EYS: variants seen among roughly 807,000 people sequenced by gnomAD.
The protein encoded by EYS is EGF-like photoreceptor maintenance factor.
EYS carries 250 observed loss-of-function variants against 282.1 expected under a neutral mutation model. The ratio of observed to expected loss-of-function variants is 0.89; its 90% confidence interval spans 0.80 to 0.98. EYS has a LOEUF of 0.98. Among genes scored for constraint, EYS ranks in the 50% least tolerant of loss-of-function variants. The probability of loss-of-function intolerance (pLI) is 0.00; values close to 1 mark genes in which losing one functional copy is unlikely to be tolerated. For synonymous variants in EYS, 1,355 were observed against 1,282.9 expected (o/e 1.06, Z -1.20); for missense variants, 4,016 against 3,709.0 (o/e 1.08, Z -2.15).
At chr6:63,998,052 A>C (rs1348773084) in intron 34 of EYS, among the ~76,000 whole-genome samples, 1 of 152,150 alleles carries the variant, frequency 6.6e-6, no homozygotes, top group East Asian at 1.9e-4. Context: ...CTACCCTAAC[A>C]ACCCACTTGA....
intron 22 of EYS, among the ~76,000 whole-genome samples, chr6:64,786,786 A>G (rs1249579889): frequency 6.6e-6 from 1 of 152,152 alleles, no homozygotes; most frequent in Non-Finnish European, 1.5e-5. Flanking sequence ...AGGGGACCTG[A>G]CCTTGGCATA....
intron 33 of EYS, among the ~76,000 whole-genome samples, chr6:64,062,142 T>G (rs1771198388): frequency 6.6e-6 from 1 of 152,090 alleles, no homozygotes; most frequent in African/African-American, 2.4e-5. Context: ...GAGAATTAAG[T>G]TGGAAAAAGC....
chr6:64,603,861 CTGTGTGTGTGTGTGTGTGTGTGTGTGTG>C (rs34430318), intron 24 of EYS, among the ~76,000 whole-genome samples: 4 of 148,184 alleles, frequency 2.7e-5, no homozygotes, highest in African/African-American at 9.9e-5. Context: ...AAATGAATAC[CTGTGTGTGTGTGTGTGTGTGTGTGTGTG>C]TGTGTGTGTG....
chr6:65,089,895 G>T (rs1304378220), intron 12 of EYS, among the ~76,000 whole-genome samples: 1 of 148,864 alleles, frequency 6.7e-6, no homozygotes, highest in Non-Finnish European at 1.5e-5. Context: ...TGCAGAGGTT[G>T]CAGTAAAGCT....
chr6:64,087,109 C>A (rs551526457), intron 31 of EYS, among the ~76,000 whole-genome samples: 1 of 152,160 alleles, frequency 6.6e-6, no homozygotes, highest in East Asian at 1.9e-4. Context: ...TAAATAGGAT[C>A]CTTAGCATAT....
At chr6:65,580,381 A>C (rs560910721) in intron 2 of EYS, among the ~76,000 whole-genome samples, 1 of 152,284 alleles carries the variant, frequency 6.6e-6, no homozygotes, top group South Asian at 2.1e-4. Context: ...TTAGAATCCA[A>C]ACAGAACTCA....
At chr6:64,691,799 G>A (rs1009851238) in intron 22 of EYS, among the ~76,000 whole-genome samples, 5 of 152,162 alleles carry the variant, frequency 3.3e-5, no homozygotes, top group African/African-American at 1.2e-4. Context: ...ATAGCCTCCA[G>A]CTCCATCCAT....
At chr6:64,081,065 T>G (rs1771948625) in intron 32 of EYS, among the ~76,000 whole-genome samples, 1 of 152,146 alleles carries the variant, frequency 6.6e-6, no homozygotes, top group Admixed American at 6.6e-5. Context: ...CATATGAACT[T>G]TAAAGTAGTT....
intron 5 of EYS, among the ~76,000 whole-genome samples, chr6:65,485,048 T>C (rs769993775): frequency 2.0e-5 from 3 of 152,190 alleles, no homozygotes; most frequent in Non-Finnish European, 4.4e-5. Flanking sequence ...TCTACAACTA[T>C]TTACATATTT....
At chr6:64,669,373 G>T (rs138162763) in intron 22 of EYS, among the ~76,000 whole-genome samples, 1 of 152,148 alleles carries the variant, frequency 6.6e-6, no homozygotes, top group East Asian at 1.9e-4. Context: ...AAGAGAGAGA[G>T]AGATAGGTTT....
At chr6:64,462,236 T>C (rs1239892216) in intron 26 of EYS, among the ~76,000 whole-genome samples, 2 of 152,176 alleles carry the variant, frequency 1.3e-5, no homozygotes, top group Admixed American at 1.3e-4. Flanking sequence ...TACAGATGTA[T>C]TGACTAAATT....
At chr6:65,127,708 T>C (rs1217392341) in intron 12 of EYS, among the ~76,000 whole-genome samples, 5 of 152,124 alleles carry the variant, frequency 3.3e-5, no homozygotes, top group Non-Finnish European at 7.4e-5. Flanking sequence ...AGACTTTTAA[T>C]GAGGTGTCTG....
chr6:64,663,245 C>T (rs565302614), intron 22 of EYS, among the ~76,000 whole-genome samples: 12 of 152,176 alleles, frequency 7.9e-5, no homozygotes, highest in Admixed American at 2.0e-4. Flanking sequence ...CATATTCTGA[C>T]GAAATATACC....
chr6:64,871,922 C>T (rs1178334709), intron 19 of EYS, among the ~76,000 whole-genome samples: 1 of 151,970 alleles, frequency 6.6e-6, no homozygotes, highest in Non-Finnish European at 1.5e-5. Context: ...AGAAGGCAAC[C>T]ATTCATTTGC....
At chr6:65,222,812 A>G (rs1054461954) in intron 12 of EYS, among the ~76,000 whole-genome samples, 9 of 152,184 alleles carry the variant, frequency 5.9e-5, no homozygotes, top group Admixed American at 5.9e-4. Context: ...TGGATTTGTC[A>G]GGAACGAGAA....
intron 13 of EYS, among the ~76,000 whole-genome samples, chr6:65,001,554 C>G (rs886610073): frequency 2.7e-5 from 4 of 147,894 alleles, no homozygotes; most frequent in African/African-American, 4.9e-5. Context: ...CATGGCAAGC[C>G]AAAAGGCAAC....
chr6:65,357,915 G>A (rs1042769177), intron 8 of EYS, among the ~76,000 whole-genome samples: 2 of 151,832 alleles, frequency 1.3e-5, no homozygotes, highest in African/African-American at 4.8e-5. Context: ...TGAGTCAAAC[G>A]TTATTTGTAT....
chr6:64,623,228 T>C (rs1767504061), intron 23 of EYS, among the ~76,000 whole-genome samples: 1 of 152,170 alleles, frequency 6.6e-6, no homozygotes, highest in Non-Finnish European at 1.5e-5. Context: ...ATAGGCATGA[T>C]ATTGTACAGA....
At chr6:64,029,929 C>A (rs983450115) in intron 33 of EYS, among the ~76,000 whole-genome samples, 6 of 152,188 alleles carry the variant, frequency 3.9e-5, no homozygotes, top group African/African-American at 1.4e-4. Flanking sequence ...GGGGGAGCCC[C>A]CATTAAATAC....
Sources: allele counts gnomAD v4.1 joint callset (sites outside exome capture counted in the v4.1 genomes callset), GRCh38; gene constraint gnomAD v4.1.1; transcripts MANE v1.5; gene names NCBI Gene and HGNC (gene_info 2026-07-23, HGNC 2026-07-21).